Variants in PITPNM3 observed in about 807,000 individuals in gnomAD.
PITPNM3 encodes the protein membrane-associated phosphatidylinositol transfer protein 3.
PITPNM3 carries 26 observed loss-of-function variants against 102.0 expected under a neutral mutation model. The ratio of observed to expected loss-of-function variants is 0.25; its 90% confidence interval spans 0.19 to 0.35. The LOEUF (loss-of-function observed/expected upper bound fraction) is 0.35. PITPNM3 is among the 10% of genes least tolerant of loss of function. PITPNM3 has a pLI of 1.00. For synonymous variants in PITPNM3, 578 were observed against 558.6 expected, an observed-to-expected ratio of 1.03 and a Z score of -0.49; for missense variants, 1,083 against 1,346.1, an observed-to-expected ratio of 0.80 and a Z score of 3.06.
chr17:6,476,854 GC>G (rs957267519), intron 9 of PITPNM3, among the ~76,000 whole-genome samples, 174 bp downstream of exon 9: 6 of 152,224 alleles, frequency 3.9e-5, no homozygotes, highest in African/African-American at 1.4e-4. Context: ...GTACAGGGCT[GC>G]CGACGAGTGG....
chr17:6,537,919 TG>T lies in PITPNM3; in HGVS notation c.118+67del. On this transcript the variant is annotated intron_variant, in intron 2 of 19. Transcript: ENST00000262483. This position sits in a 1 kb window ranked among gnomAD's most constrained non-coding sequence, Gnocchi z 4.4. Reference sequence around the variant, plus strand: ...GTGGGGAGGGATGCGGACCCCCAAATGGGATCTTCTTCTTGAGGCTTCTAGG... The same window carrying T: ...GTGGGGAGGGATGCGGACCCCCAAATGGATCTTCTTCTTGAGGCTTCTAGG... 1 of 1,346,334 alleles carries T rather than the reference TG, an allele frequency of 7.4e-7. No homozygotes were observed. The highest frequency in any genetic ancestry group is 1.1e-6 in the Non-Finnish European group (1 of 945,494). 83.4% of individuals were successfully genotyped at this position (1,346,334 alleles called of 1,614,324 possible).
Position 6,526,975 on chromosome 17 carries a change from T to C in PITPNM3, c.119-1512A>G, listed in dbSNP as rs1326254073. ...CGGACAATTTCCTGAGCCCAGTGTG[T>C]TCCATCTGGGAACTGGTTTATTCTG... is the stretch of plus-strand genomic sequence containing the variant. On this transcript the variant is annotated intron_variant, in intron 2 of 19. Coordinates refer to ENST00000262483, the MANE Select transcript of PITPNM3 (RefSeq NM_031220.4). Among the ~76,000 whole-genome samples the C allele has an allele frequency of 2.0e-5, 3 of 152,198 alleles. No individual in the cohort carries two copies. In the East Asian group the frequency reaches 5.8e-4, roughly 29 times the overall value.
At chr17:6,538,651 G>A (rs987374363) in intron 1 of PITPNM3, among the ~76,000 whole-genome samples, 1 of 152,142 alleles carries the variant, frequency 6.6e-6, no homozygotes, top group Non-Finnish European at 1.5e-5. Context: ...CTGACTACCA[G>A]GCACACACGT....
intron 4 of PITPNM3, among the ~76,000 whole-genome samples, chr17:6,500,415 G>A (rs145210612): frequency 9.1e-4 from 138 of 152,156 alleles, no homozygotes; most frequent in African/African-American, 3.1e-3. Context: ...CATTACCATC[G>A]ATCGTCACCA....
At position 6,452,842 on chromosome 17, in the gene PITPNM3, G is replaced by A. The variant is rs1913903961; in HGVS notation, c.*2496C>T. 6.6e-6 allele frequency: 1 copy of A among 152,164 alleles called. No homozygotes were observed. The highest frequency in any genetic ancestry group is 2.1e-4 in the South Asian group (1 of 4,822). 9.4% of individuals were successfully genotyped at this position (152,164 alleles called of 1,614,324 possible). Reference sequence around the variant, plus strand: ...CCAGAGCTGTTTCCAAAAGGAAGGGGTGGTGGCCCTCCTGCTGGGTCCTGT... The same window carrying A: ...CCAGAGCTGTTTCCAAAAGGAAGGGATGGTGGCCCTCCTGCTGGGTCCTGT... On this transcript the variant is annotated 3_prime_UTR_variant, in exon 20 of 20. Coordinates refer to ENST00000262483, the MANE Select transcript of PITPNM3 (RefSeq NM_031220.4).
chr17:6,496,357 G>A (rs533871470), intron 4 of PITPNM3, among the ~76,000 whole-genome samples: 1 of 151,834 alleles, frequency 6.6e-6, no homozygotes, highest in South Asian at 2.1e-4. Flanking sequence ...TCCCACACTC[G>A]CCCCTCCCTC....
At chr17:6,513,066 T>A (rs1372788194) in intron 3 of PITPNM3, among the ~76,000 whole-genome samples, 1 of 144,782 alleles carries the variant, frequency 6.9e-6, no homozygotes, top group Non-Finnish European at 1.5e-5. Flanking sequence ...TCAATACATG[T>A]CTGCAAAAAA....
intron 1 of PITPNM3, among the ~76,000 whole-genome samples, chr17:6,543,403 C>T (rs1220983331): frequency 6.6e-6 from 1 of 152,238 alleles, no homozygotes; most frequent in African/African-American, 2.4e-5. Context: ...GTGTGTTCTG[C>T]TCTATATCAG....
In PITPNM3 at chr17:6,478,932, A is replaced by G. The variant is rs534746600; in HGVS notation, c.588-196T>C. On this transcript the variant is annotated intron_variant, in intron 6 of 19. Coordinates refer to ENST00000262483, the MANE Select transcript of PITPNM3 (RefSeq NM_031220.4). The surrounding 1 kb of genome is among the most constrained non-coding windows in gnomAD (Gnocchi z 4.4). ...GGAGAGGGGAAGAGGATTCAAGCCT[A>G]CACTGACTCCCTGTGTGTCCTTCCC... 1.6e-6 allele frequency: 1 copy of G among 615,392 alleles called. No homozygotes were observed. Among genetic ancestry groups the G allele is most frequent in the Non-Finnish European group, 2.8e-6 (1 of 352,368 alleles). 38.1% of individuals were successfully genotyped at this position (615,392 alleles called of 1,614,324 possible). A position where few individuals can be genotyped will look rare whatever the true frequency, so the allele number is the denominator to read the frequency against.
intron 4 of PITPNM3, among the ~76,000 whole-genome samples, chr17:6,494,736 A>G (rs1259676876): frequency 1.3e-5 from 2 of 152,236 alleles, no homozygotes; most frequent in Non-Finnish European, 2.9e-5. Context: ...AGCCTCTGTG[A>G]AGGGCCATTT....
chr17:6,474,044 A>G (rs1905184101), intron 10 of PITPNM3, among the ~76,000 whole-genome samples: 1 of 149,286 alleles, frequency 6.7e-6, no homozygotes, highest in Admixed American at 6.7e-5. Flanking sequence ...GGGCTTGGGG[A>G]TATGCGGGGG....
intron 4 of PITPNM3, among the ~76,000 whole-genome samples, chr17:6,491,557 C>A (rs1906486075): frequency 6.6e-6 from 1 of 152,160 alleles, no homozygotes; most frequent in South Asian, 2.1e-4. Context: ...AGCCCACCTT[C>A]CTCACTCCAG....
chr17:6,475,661 A>G (rs1033713652), intron 9 of PITPNM3, among the ~76,000 whole-genome samples: 4 of 152,184 alleles, frequency 2.6e-5, no homozygotes, highest in African/African-American at 9.7e-5. Flanking sequence ...ACACATGCCA[A>G]CTACTTAATT....
intron 3 of PITPNM3, among the ~76,000 whole-genome samples, chr17:6,509,056 A>G (rs1907714396): frequency 6.6e-6 from 1 of 152,142 alleles, no homozygotes; most frequent in African/African-American, 2.4e-5. Flanking sequence ...GAGCTGCCAG[A>G]AACTCCTGCA....
chr17:6,554,218 G>C (rs1232668036), intron 1 of PITPNM3, among the ~76,000 whole-genome samples: 2 of 151,172 alleles, frequency 1.3e-5, no homozygotes, highest in Non-Finnish European at 2.9e-5. Flanking sequence ...TACTTGGGAG[G>C]CTGAGGCAGG....
At position 6,468,595 on chromosome 17, in the gene PITPNM3, C is replaced by T. The variant is rs763272893; in HGVS notation, c.1774-254G>A. On this transcript the variant is annotated intron_variant, in intron 13 of 19. Transcript: ENST00000262483. The surrounding 1 kb of genome is among the most constrained non-coding windows in gnomAD (Gnocchi z 5.2). ...GCCCCGCTGTGCCCAAACCTGGCAG[C>T]CACCTCTATCTGTCCCCACTCTCTG... 2.0e-5 allele frequency among the ~76,000 whole-genome samples: 3 copies of T among 152,130 alleles called. No homozygotes were observed. The highest frequency in any genetic ancestry group is 7.2e-5 in the African/African-American group (3 of 41,420).
chr17:6,507,589 A>C (rs993601504), intron 3 of PITPNM3, among the ~76,000 whole-genome samples: 2 of 151,960 alleles, frequency 1.3e-5, no homozygotes, highest in South Asian at 2.1e-4. Context: ...ATTTAAAAAA[A>C]AAAACAAAAC....
intron 6 of PITPNM3, among the ~76,000 whole-genome samples, chr17:6,482,769 C>G (rs868333545): frequency 6.6e-6 from 1 of 152,140 alleles, no homozygotes; most frequent in South Asian, 2.1e-4. Context: ...ATGGAAACAG[C>G]CCCTCACATG....
chr17:6,483,422 C>A, intron 6 of PITPNM3, 95 bp downstream of exon 6: 2 of 1,213,744 alleles, frequency 1.6e-6, no homozygotes, highest in East Asian at 2.5e-5. Flanking sequence ...CTTGCAGGTA[C>A]CCACCTGCCC....
Sources: gnomAD v4.1 joint callset for allele counts (sites outside exome capture counted in the v4.1 genomes callset) on GRCh38, gnomAD v4.1.1 for gene constraint, Gnocchi (gnomAD v3.1) non-coding constraint, MANE v1.5 for transcripts, NCBI Gene and HGNC (gene_info 2026-07-23, HGNC 2026-07-21) for gene names.